HERC4: variants seen among roughly 807,000 people sequenced by gnomAD.
The protein encoded by HERC4 is probable E3 ubiquitin-protein ligase HERC4.
Under a neutral mutation model 124.3 loss-of-function variants are expected in HERC4, and 28 were observed. The observed-to-expected ratio is 0.23, with a 90% CI of 0.17 to 0.31. The LOEUF is 0.31. Among genes scored for constraint, HERC4 ranks in the 10% least tolerant of loss-of-function variants. The probability of loss-of-function intolerance (pLI) is 1.00; values close to 1 mark genes in which losing one functional copy is unlikely to be tolerated. For synonymous variants in HERC4, 407 were observed against 421.5 expected (o/e 0.97, Z 0.42); for missense variants, 713 against 1,229.3 (o/e 0.58, Z 6.28).
At chr10:67,964,775 C>G (rs920052388) in intron 16 of HERC4, 2 of 152,086 alleles carry the variant, frequency 1.3e-5, no homozygotes, top group African/African-American at 4.8e-5. Flanking sequence ...TTCTTTCTTT[C>G]TTTCTTTTTT....
chr10:67,977,847 G>A (rs2035687914), intron 15 of HERC4, among the ~76,000 whole-genome samples: 1 of 151,634 alleles, frequency 6.6e-6, no homozygotes, highest in African/African-American at 2.4e-5. Flanking sequence ...CCAGCACAAT[G>A]TCACATGCCT....
intron 17 of HERC4, chr10:67,955,688 T>C (rs888662496): frequency 6.6e-6 from 1 of 152,370 alleles, no homozygotes; most frequent in African/African-American, 2.4e-5. Flanking sequence ...GGAGAATCAC[T>C]TGAACCTGGA....
At chr10:67,984,338 T>C (rs1343177202) in intron 15 of HERC4, among the ~76,000 whole-genome samples, 4 of 151,122 alleles carry the variant, frequency 2.6e-5, no homozygotes, top group Admixed American at 6.6e-5. Flanking sequence ...TCCTGTGTCA[T>C]GTGCAACAAC....
At chr10:68,069,381 T>C (rs1236821818) in intron 3 of HERC4, 9 of 985,012 alleles carry the variant, frequency 9.1e-6, no homozygotes, top group Non-Finnish European at 1.1e-5. Flanking sequence ...TGGAAATAAT[T>C]CAGAAAAGCC....
In HERC4 at chr10:67,987,611, A is replaced by G. The variant is rs369842022; in HGVS notation, c.1806+1052T>C. 2.0e-5 allele frequency among the ~76,000 whole-genome samples: 3 copies of G among 152,180 alleles called. No homozygotes were observed. In the East Asian group the frequency reaches 5.8e-4, roughly 29 times the overall value. The stretch of plus-strand genomic sequence containing the variant: ...AGCCCTGTTCTGGGTAAAGGCAAAC[A>G]TAAGAATGACCTGTTTCCCTAGGAA... On this transcript the variant is annotated intron_variant, in intron 15 of 24. Transcript: ENST00000373700.
chr10:68,070,648 T>C (rs1022430269), intron 3 of HERC4: 7 of 151,764 alleles, frequency 4.6e-5, no homozygotes, highest in Admixed American at 2.0e-4. Flanking sequence ...TAAATAAATA[T>C]TCAATCAAAG....
At chr10:68,018,937 C>T (rs1282200959) in intron 8 of HERC4, among the ~76,000 whole-genome samples, 1 of 143,494 alleles carries the variant, frequency 7.0e-6, no homozygotes, top group Non-Finnish European at 1.5e-5. Context: ...ACTTCACAAC[C>T]TATGCTAAAA....
chr10:67,960,520 G>T (rs2034442763), intron 16 of HERC4, among the ~76,000 whole-genome samples: 1 of 152,054 alleles, frequency 6.6e-6, no homozygotes. Flanking sequence ...CGAGTAGCTG[G>T]GATTATAGGC....
intron 23 of HERC4, among the ~76,000 whole-genome samples, chr10:67,929,743 G>C (rs989605473): frequency 2.6e-5 from 4 of 152,012 alleles, no homozygotes; most frequent in South Asian, 2.1e-4. Context: ...TTGAACTCCT[G>C]GGTTCAAACT....
In HERC4 at chr10:68,014,760, C is replaced by G. The variant is rs555248182; in HGVS notation, c.909-574G>C. Reference sequence around the variant, plus strand: ...AAAGCAAACCTAAGAAACCACAGATCTGAAGCTAAGGATGACCCACCAATC... The same window carrying G: ...AAAGCAAACCTAAGAAACCACAGATGTGAAGCTAAGGATGACCCACCAATC... On this transcript the variant is annotated intron_variant, in intron 8 of 24. Coordinates refer to ENST00000373700, the MANE Select transcript of HERC4 (RefSeq NM_015601.4). Among the ~76,000 whole-genome samples the G allele has an allele frequency of 5.3e-5, 8 of 152,318 alleles. 1 individual carries two copies. The South Asian group carries it at 8.3e-4, about 16-fold the overall frequency.
chr10:68,058,919 C>A (rs1365767987), intron 3 of HERC4, among the ~76,000 whole-genome samples: 2 of 152,000 alleles, frequency 1.3e-5, no homozygotes, highest in East Asian at 1.9e-4. Flanking sequence ...TGTATGTTCT[C>A]CATCAATCTA....
chr10:67,975,336 C>T (rs1336788798), intron 15 of HERC4, among the ~76,000 whole-genome samples: 1 of 152,088 alleles, frequency 6.6e-6, no homozygotes, highest in Non-Finnish European at 1.5e-5. Context: ...TATACTAAGG[C>T]TTAGCATTTA....
chr10:68,003,599 A>C (rs2037367817), intron 9 of HERC4, among the ~76,000 whole-genome samples: 2 of 152,068 alleles, frequency 1.3e-5, no homozygotes, highest in Non-Finnish European at 2.9e-5. Flanking sequence ...GCTTCCACCA[A>C]CAAGTGAGAA....
chr10:67,945,846 A>G (rs1388968165), intron 19 of HERC4, among the ~76,000 whole-genome samples: 1 of 152,168 alleles, frequency 6.6e-6, no homozygotes, highest in Non-Finnish European at 1.5e-5. Flanking sequence ...AAAAATAAAA[A>G]AAAAGAAATC....
intron 9 of HERC4, 110 bp from the exon 10 acceptor site, chr10:67,992,792 T>C: frequency 1.6e-6 from 1 of 611,780 alleles, no homozygotes; most frequent in South Asian, 2.1e-5. Flanking sequence ...AGGCCTCCCA[T>C]TCATGGACTT....
intron 9 of HERC4, among the ~76,000 whole-genome samples, chr10:68,008,437 C>A (rs2037721949): frequency 6.6e-6 from 1 of 152,060 alleles, no homozygotes; most frequent in African/African-American, 2.4e-5. Flanking sequence ...ATATGGGAGA[C>A]TTGAATTTTA....
chr10:67,971,468 C>T (rs2035230163), intron 15 of HERC4, among the ~76,000 whole-genome samples: 1 of 151,740 alleles, frequency 6.6e-6, no homozygotes, highest in Non-Finnish European at 1.5e-5. Flanking sequence ...CTCAAGAATG[C>T]AAGGTTGGTT....
At chr10:67,978,191 G>A (rs1488697996) in intron 15 of HERC4, among the ~76,000 whole-genome samples, 1 of 151,470 alleles carries the variant, frequency 6.6e-6, no homozygotes, top group Non-Finnish European at 1.5e-5. Context: ...CAGGAGAATC[G>A]CTTGAACCCA....
intron 9 of HERC4, among the ~76,000 whole-genome samples, chr10:68,013,766 C>T (rs2038105822): frequency 6.6e-6 from 1 of 152,164 alleles, no homozygotes. Context: ...CAAAAAACCT[C>T]CCTCCCACTG....
Sources: gnomAD v4.1 joint callset for allele counts (sites outside exome capture counted in the v4.1 genomes callset) on GRCh38, gnomAD v4.1.1 for gene constraint, MANE v1.5 for transcripts, NCBI Gene and HGNC (gene_info 2026-07-23, HGNC 2026-07-21) for gene names.